The following ABI2 variants were observed in gnomAD, a reference collection of about 807,000 sequenced individuals.
The protein encoded by ABI2 is abelson interactor 2.
ABI2 carries 25 observed loss-of-function variants against 59.2 expected under a neutral mutation model. That is an observed-to-expected ratio of 0.42 (90% confidence interval 0.31 to 0.59). ABI2 has a LOEUF of 0.59. ABI2 is among the 20% of genes least tolerant of loss of function. ABI2 has a pLI of 0.14. For synonymous variants in ABI2, 213 were observed against 235.5 expected (o/e 0.90, Z 0.87); for missense variants, 545 against 681.8 (o/e 0.80, Z 2.23).
chr2:203,400,915 A>G (rs2097192523), intron 8 of ABI2, among the ~76,000 whole-genome samples: 1 of 152,256 alleles, frequency 6.6e-6, no homozygotes, highest in African/African-American at 2.4e-5. Context: ...GGAAGAGGAT[A>G]TGACTGCAGT....
chr2:203,391,966 G>C lies in ABI2; in HGVS notation c.578+823G>C, dbSNP rs77042496. Among the ~76,000 whole-genome samples the C allele has an allele frequency of 2.7e-4, 41 of 152,204 alleles. No homozygotes were observed. In the East Asian group the frequency reaches 7.1e-3, roughly 26 times the overall value. On this transcript the variant is annotated intron_variant, in intron 5 of 11. Coordinates refer to ENST00000261018, the MANE Select transcript of ABI2 (RefSeq NM_001375670.1). ...CATCGTATTATAAACTTGACTTACT[G>C]TGATTGAGATTTACGATTAGGTTGG...
rs1039047296 is a variant in ABI2 at position 203,396,824 on chromosome 2, C to T, written c.890C>T (p.Thr297Ile). 37 of 1,534,724 alleles carry T rather than the reference C, an allele frequency of 2.4e-5. No homozygotes were observed. The highest frequency in any genetic ancestry group is 3.0e-5 in the Non-Finnish European group (34 of 1,146,406). The change falls in exon 8 of 12, where the codon ACT becomes ATT. Residue 297 changes from threonine to isoleucine, a missense_variant. This residue lies in a region of ABI2 where 410 missense variants were observed against 435.6 expected (regional missense o/e 0.94). Coordinates refer to ENST00000261018, the MANE Select transcript of ABI2 (RefSeq NM_001375670.1). ...GSAGTPPLPA[T>I]SASAPAPLVP... The stretch of plus-strand genomic sequence containing the variant: ...GCTGGCACTCCTCCCCTTCCTGCTA[C>T]TTCTGCATCTGCCCCTGCTCCTCTT...
At chr2:203,334,742 C>T (rs1043388592) in intron 1 of ABI2, among the ~76,000 whole-genome samples, 2 of 151,360 alleles carry the variant, frequency 1.3e-5, no homozygotes, top group South Asian at 4.2e-4. Flanking sequence ...CTTACTGCAA[C>T]CTCTGCCTCC....
chr2:203,374,226 C>T (rs1159515879), intron 2 of ABI2, among the ~76,000 whole-genome samples: 1 of 150,748 alleles, frequency 6.6e-6, no homozygotes, highest in African/African-American at 2.4e-5. Context: ...TGGCCAGGCT[C>T]CGTGGCTCAC....
chr2:203,404,353 A>G (rs2097342183), intron 9 of ABI2, among the ~76,000 whole-genome samples: 2 of 152,176 alleles, frequency 1.3e-5, no homozygotes, highest in Non-Finnish European at 2.9e-5. Flanking sequence ...TAGTGTGAAT[A>G]CCAACTGCCT....
chr2:203,365,923 C>T (rs975912729), intron 1 of ABI2, among the ~76,000 whole-genome samples: 4 of 151,964 alleles, frequency 2.6e-5, no homozygotes, highest in African/African-American at 9.7e-5. Flanking sequence ...GCCACCGTGC[C>T]CGGCCGGGGC....
At position 203,396,118 on chromosome 2, in the gene ABI2, G is replaced by A. The variant is rs189009189; in HGVS notation, c.850+338G>A. On this transcript the variant is annotated intron_variant, in intron 7 of 11. Coordinates refer to ENST00000261018, the MANE Select transcript of ABI2 (RefSeq NM_001375670.1). ...GTGTGAGAACCATATTAGTAACAAA[G>A]GATTGGGCAGATATAAAAAGTAGTT... 7.9e-5 allele frequency among the ~76,000 whole-genome samples: 12 copies of A among 152,232 alleles called. No homozygotes were observed. The East Asian group carries it at 2.3e-3, about 29-fold the overall frequency.
At chr2:203,388,497 A>G (rs1322419775) in intron 4 of ABI2, among the ~76,000 whole-genome samples, 8 of 152,236 alleles carry the variant, frequency 5.3e-5, no homozygotes, top group Non-Finnish European at 8.8e-5. Context: ...AGCCTGGCCA[A>G]CATGACGAAA....
At position 203,362,513 on chromosome 2, in the gene ABI2, TTTTA is replaced by T. The variant is rs914587213; in HGVS notation, c.118-4356_118-4353del. Among the ~76,000 whole-genome samples, 11 of 152,020 alleles carry T rather than the reference TTTTA, an allele frequency of 7.2e-5. 1 individual carries two copies. Among genetic ancestry groups the T allele is most frequent in the Admixed American group, 5.9e-4 (9 of 15,242 alleles). On this transcript the variant is annotated intron_variant, in intron 1 of 11. Transcript: ENST00000261018. ...TTTTATTTTGTTTTTTCTACTGGTA[TTTTA>T]TTTATTTTATTTTATTTATTTATTT...
chr2:203,390,836 T>C (rs1048609603), intron 4 of ABI2, among the ~76,000 whole-genome samples: 8 of 152,212 alleles, frequency 5.3e-5, no homozygotes, highest in Admixed American at 2.0e-4. Flanking sequence ...AAGTTTATAA[T>C]GATTTGAAAA....
chr2:203,357,475 C>T (rs1038173668), intron 1 of ABI2, among the ~76,000 whole-genome samples: 6 of 152,310 alleles, frequency 3.9e-5, no homozygotes, highest in South Asian at 2.1e-4. Context: ...CTGAATCTCA[C>T]GAAGATTAAC....
At chr2:203,396,704 T>G in intron 7 of ABI2, 81 bp from the exon 8 acceptor site, 3 of 1,350,012 alleles carry the variant, frequency 2.2e-6, no homozygotes, top group Non-Finnish European at 2.9e-6. Flanking sequence ...ATATCTAACA[T>G]TAAATACTCT....
chr2:203,377,970 A>G (rs2095822843), intron 2 of ABI2, among the ~76,000 whole-genome samples: 1 of 152,210 alleles, frequency 6.6e-6, no homozygotes, highest in Non-Finnish European at 1.5e-5. Context: ...AATTAAGTGA[A>G]TTCCAATATC....
intron 1 of ABI2, among the ~76,000 whole-genome samples, chr2:203,358,703 C>A (rs1255018912): frequency 6.6e-6 from 1 of 152,116 alleles, no homozygotes; most frequent in Non-Finnish European, 1.5e-5. Flanking sequence ...AGCATTCTCT[C>A]TTTTAGAATC....
At chr2:203,403,979 C>T (rs1443038515) in intron 9 of ABI2, among the ~76,000 whole-genome samples, 1 of 151,972 alleles carries the variant, frequency 6.6e-6, no homozygotes, top group African/African-American at 2.4e-5. Context: ...TCTTAAACTC[C>T]TGACCTTAAG....
At chr2:203,336,903 G>A (rs565104824) in intron 1 of ABI2, among the ~76,000 whole-genome samples, 57 of 152,232 alleles carry the variant, frequency 3.7e-4, no homozygotes, top group East Asian at 5.8e-4. Context: ...ACCGTTTTGC[G>A]TTCCCACCAG....
At chr2:203,402,815 T>C in intron 9 of ABI2, 81 bp downstream of exon 9, 1 of 1,192,918 alleles carries the variant, frequency 8.4e-7, no homozygotes, top group Non-Finnish European at 1.1e-6. Flanking sequence ...TAATTACAAA[T>C]AGTGCATGGT....
At chr2:203,391,716 G>A (rs1157032991) in intron 5 of ABI2, among the ~76,000 whole-genome samples, 1 of 151,578 alleles carries the variant, frequency 6.6e-6, no homozygotes, top group African/African-American at 2.4e-5. Flanking sequence ...AGCTACTTGC[G>A]AGGCTGAGAC....
intron 5 of ABI2, among the ~76,000 whole-genome samples, chr2:203,393,788 C>A (rs1310048460): frequency 6.6e-6 from 1 of 151,946 alleles, no homozygotes. Flanking sequence ...TGACCAAGAT[C>A]TCATCTACAA....
Sources: allele counts gnomAD v4.1 joint callset (sites outside exome capture counted in the v4.1 genomes callset), GRCh38; gene constraint gnomAD v4.1.1; regional missense constraint gnomAD v4.1.1; transcripts MANE v1.5; gene names NCBI Gene and HGNC (gene_info 2026-07-23, HGNC 2026-07-21).